Variants in FAT2 observed in about 807,000 individuals in gnomAD.
FAT2 encodes the protein FAT atypical cadherin 2.
Under a neutral mutation model 295.3 loss-of-function variants are expected in FAT2, and 150 were observed. That is an observed-to-expected ratio of 0.51 (90% CI 0.44 to 0.58). FAT2 has a LOEUF of 0.58. Ranked by LOEUF, FAT2 falls within the 20% of genes least tolerant of loss-of-function variation. The pLI is 0.00. For synonymous variants in FAT2, 2,026 were observed against 2,150.3 expected (o/e 0.94, Z 1.60); for missense variants, 4,868 against 5,442.7 (o/e 0.89, Z 3.32).
chr5:151,549,356 C>T lies in FAT2; in HGVS notation c.4728G>A (p.Gln1576=), dbSNP rs1432521523. 1.9e-6 allele frequency: 3 copies of T among 1,613,912 alleles called. No individual in the cohort carries two copies. The highest frequency in any genetic ancestry group is 1.3e-5 in the African/African-American group (1 of 74,930). Residue 1576 remains glutamine, a synonymous_variant, in exon 9 of 24, where the codon CAG becomes CAA. Coordinates refer to ENST00000261800, the MANE Select transcript of FAT2 (RefSeq NM_001447.3). ...CCCGGTCAGCATCCATGGCTCGGACCTGCAGCAGCTCTGTGCCGGGGGCTA... is the reference window on the plus strand; with the variant it reads ...CCCGGTCAGCATCCATGGCTCGGACTTGCAGCAGCTCTGTGCCGGGGGCTA... ...DTIAPGTELL[Q]VRAMDADRGV...
Position 151,521,964 on chromosome 5 carries a change from A to C in FAT2, c.10629T>G (p.Asp3543Glu), listed in dbSNP as rs770403427. The C allele has an allele frequency of 1.2e-6, 2 of 1,614,032 alleles. No homozygotes were observed. The highest frequency in any genetic ancestry group is 1.1e-5 in the South Asian group (1 of 91,080). ...TACCCACCATGCCACCCTGGAACTC[A>C]TCCTCTCCAACAGTGATGAAGATCT... Reference protein sequence around the residue: ...PLEIFITVGEDEFQGGMVGKI... With the variant: ...PLEIFITVGEEEFQGGMVGKI... Residue 3543 changes from aspartate (D) to glutamate (E), a missense_variant, in exon 19 of 24, where the codon GAT (aspartate) becomes GAG (glutamate). Transcript: ENST00000261800.
In FAT2 at chr5:151,512,457, C is replaced by T; in HGVS notation, c.11613G>A (p.Met3871Ile). Residue 3871 changes from methionine (M) to isoleucine (I), a missense_variant, in exon 21 of 24, where the codon ATG (methionine) becomes ATA (isoleucine). Met to Ile is a conservative substitution (Grantham distance 10, BLOSUM62 1). Transcript: ENST00000261800. This position sits in a 1 kb window ranked among gnomAD's most constrained non-coding sequence, Gnocchi z 4.1. ...CTGGGACCACAAGGGAGGTGTTGCC[C>T]ATGCTGTCAACCATCAGGCGAATGG... ...DASIRLMVDS[M>I]GNTSLVVPEN... 1 of 1,614,238 alleles carries T rather than the reference C, an allele frequency of 6.2e-7. No individual in the cohort carries two copies. Among genetic ancestry groups the T allele is most frequent in the Non-Finnish European group, 8.5e-7 (1 of 1,180,042 alleles).
rs756139494 is a variant in FAT2 at position 151,546,005 on chromosome 5, A to G, written c.5122T>C (p.Tyr1708His). Residue 1708 changes from tyrosine (Y) to histidine (H), a missense_variant, in exon 10 of 24, where the codon TAT (tyrosine) becomes CAT (histidine). Physicochemically the swap from Tyr to His is moderately conservative, Grantham distance 83 (BLOSUM62 2). Around this residue, in one of 5 missense-constraint regions of FAT2, gnomAD observed 3,297 missense variants for 3,669.4 expected, o/e 0.90. Transcript: ENST00000261800. The stretch of plus-strand genomic sequence containing the variant: ...TTCTGGGTGGAAATAAGGCCAGAAT[A>G]TGAGTTCATAGAGAAGACTCCATCC... ...NKDGVFSMNS[Y>H]SGLISTQKKL... The G allele has an allele frequency of 6.8e-6, 11 of 1,614,198 alleles. No homozygotes were observed. The highest frequency in any genetic ancestry group is 9.3e-6 in the Non-Finnish European group (11 of 1,180,032).
At chr5:151,555,896 T>C (rs1431952302) in intron 4 of FAT2, among the ~76,000 whole-genome samples, 3 of 152,164 alleles carry the variant, frequency 2.0e-5, no homozygotes, top group African/African-American at 7.2e-5. Flanking sequence ...AAGCCTTTCA[T>C]TGAAACAGGC....
At chr5:151,537,658 G>A in intron 12 of FAT2, 135 bp downstream of exon 12, 1 of 816,096 alleles carries the variant, frequency 1.2e-6, no homozygotes, top group Non-Finnish European at 1.9e-6. Flanking sequence ...ACAATGCTTG[G>A]CACATAGGGC....
rs375761751 is a variant in FAT2, at chr5:151,544,676, G to T, written c.6451C>A (p.Pro2151Thr). The T allele has an allele frequency of 6.2e-7, 1 of 1,614,060 alleles. No individual in the cohort carries two copies. Among genetic ancestry groups the T allele is most frequent in the South Asian group, 1.1e-5 (1 of 91,080 alleles). ...ACCTCTTCCTCACTCTGGAGGGATG[G>T]CGTTCCTCCATCCCGAGCAATGACT... Reference protein sequence around the residue: ...LKVIARDGGTPSLQSEEEVLV... With the variant: ...LKVIARDGGTTSLQSEEEVLV... Residue 2151 changes from proline (P) to threonine (T), a missense_variant, in exon 10 of 24, where the codon CCA becomes ACA. Around this residue, in one of 5 missense-constraint regions of FAT2, gnomAD observed 3,297 missense variants for 3,669.4 expected, o/e 0.90. Transcript: ENST00000261800.
At chr5:151,510,215 A>C (rs770154354) in intron 21 of FAT2, 41 bp from the exon 22 acceptor site, 1 of 1,607,726 alleles carries the variant, frequency 6.2e-7, no homozygotes, top group Non-Finnish European at 8.5e-7. Flanking sequence ...GCACTGGCCT[A>C]GCAGTTAAAG....
intron 1 of FAT2, among the ~76,000 whole-genome samples, chr5:151,572,350 T>G (rs1758566869): frequency 6.6e-6 from 1 of 152,184 alleles, no homozygotes; most frequent in African/African-American, 2.4e-5. Flanking sequence ...GAGCCTTTCA[T>G]GATCATTCCT....
rs1215797231 is a variant in FAT2, at chr5:151,521,360, G to A, written c.11233C>T (p.Pro3745Ser). 1 of 1,614,198 alleles carries A rather than the reference G, an allele frequency of 6.2e-7. No individual in the cohort carries two copies. The highest frequency in any genetic ancestry group is 1.1e-5 in the South Asian group (1 of 91,082). Residue 3745 changes from proline to serine, a missense_variant, in exon 19 of 24, where the codon CCC becomes TCC. Transcript: ENST00000261800. ...QICHNTVHLD[P>S]KVGPTYSTAR... ...GTGCTGTACGTGGGCCCAACCTTGG[G>A]GTCCAGATGCACTGTGTTATGGCAG...
At chr5:151,511,112 C>G (rs1053460576) in intron 21 of FAT2, 1 of 152,598 alleles carries the variant, frequency 6.6e-6, no homozygotes, top group Non-Finnish European at 1.5e-5. Flanking sequence ...AGGGAGGAGG[C>G]TGGTGCCAGG....
chr5:151,515,241 T>A (rs957494776), intron 20 of FAT2, among the ~76,000 whole-genome samples: 1 of 152,206 alleles, frequency 6.6e-6, no homozygotes, highest in Admixed American at 6.5e-5. Flanking sequence ...TGGGTTTTCC[T>A]CCAGCATCAC....
At chr5:151,556,227 T>C in intron 4 of FAT2, 117 bp downstream of exon 4, 1 of 811,854 alleles carries the variant, frequency 1.2e-6, no homozygotes, top group South Asian at 1.4e-5. Flanking sequence ...TCAGCTCACG[T>C]ATATCTTCCT....
chr5:151,537,441 AGGG>A (rs1561842461), intron 12 of FAT2, among the ~76,000 whole-genome samples: 98 of 22,228 alleles, frequency 4.4e-3, no homozygotes, highest in African/African-American at 0.039. Flanking sequence ...AGGAAAGGAG[AGGG>A]GAGGGGAGGG....
At position 151,551,483 on chromosome 5, in the gene FAT2, C is replaced by A. The variant is rs573511043; in HGVS notation, c.4280G>T (p.Arg1427Leu). The A allele has an allele frequency of 1.2e-6, 2 of 1,613,980 alleles. No homozygotes were observed. Among genetic ancestry groups the A allele is most frequent in the Non-Finnish European group, 1.7e-6 (2 of 1,180,016 alleles). Residue 1427 changes from arginine (R) to leucine (L), a missense_variant, in exon 7 of 24, where the codon CGC becomes CTC. Coordinates refer to ENST00000261800, the MANE Select transcript of FAT2 (RefSeq NM_001447.3). ...NLTVEVTDGS[R>L]TIATQVHIFM... ...GCCTCTAACCTGTGTGGCAATGGTG[C>A]GGGACCCATCTGTCACCTCAACAGT...
At position 151,524,010 on chromosome 5, in the gene FAT2, C is replaced by T. The variant is rs112715451; in HGVS notation, c.10506+1758G>A. ...TATCAATTTACATACAAAATATGTCCGAAATCTCTCCGCTTCCTGCATCTT... is the reference window on the plus strand; with the variant it reads ...TATCAATTTACATACAAAATATGTCTGAAATCTCTCCGCTTCCTGCATCTT... On this transcript the variant is annotated intron_variant, in intron 18 of 23. Coordinates refer to ENST00000261800, the MANE Select transcript of FAT2 (RefSeq NM_001447.3). 5.3e-5 allele frequency among the ~76,000 whole-genome samples: 8 copies of T among 152,198 alleles called. 2 individuals carry two copies. The highest frequency in any genetic ancestry group is 1.2e-4 in the African/African-American group (5 of 41,534).
rs911445911 is a variant in FAT2, at chr5:151,562,599, C to T, written c.3574+726G>A. ...TCCGGGCCACTGTGGCCCAGCGGGA[C>T]TGTGAAGACAATGTGGCCAGATCCT... is the stretch of plus-strand genomic sequence containing the variant. On this transcript the variant is annotated intron_variant, in intron 3 of 23. Coordinates refer to ENST00000261800, the MANE Select transcript of FAT2 (RefSeq NM_001447.3). Among the ~76,000 whole-genome samples, 6 of 152,186 alleles carry T rather than the reference C, an allele frequency of 3.9e-5. No homozygotes were observed. In the South Asian group the frequency reaches 1.0e-3, roughly 26 times the overall value.
In FAT2 at chr5:151,542,921, T is replaced by C. The variant is rs570674049; in HGVS notation, c.8206A>G (p.Lys2736Glu). The stretch of plus-strand genomic sequence containing the variant: ...GGGTCTAGGGAGAAGACACCATCCT[T>C]GTTGCTCTCAGGTGTAGTGCCCCGC... ...LVRGTTPESN[K>E]DGVFSLDPDT... is the part of the protein sequence containing the mutation. The change falls in exon 10 of 24, where the codon AAG (lysine) becomes GAG (glutamate). Residue 2736 changes from lysine to glutamate, a missense_variant. Around this residue, in one of 5 missense-constraint regions of FAT2, gnomAD observed 3,297 missense variants for 3,669.4 expected, o/e 0.90. Coordinates refer to ENST00000261800, the MANE Select transcript of FAT2 (RefSeq NM_001447.3). 386 of 1,614,224 alleles carry C rather than the reference T, an allele frequency of 2.4e-4. 4 individuals carry two copies. In the South Asian group the frequency reaches 4.0e-3, roughly 17 times the overall value.
At chr5:151,569,012 G>T (rs562945384) in intron 1 of FAT2, 61 bp from the exon 2 acceptor site, 4 of 1,444,758 alleles carry the variant, frequency 2.8e-6, no homozygotes, top group Non-Finnish European at 3.7e-6. Context: ...CTACTGCTGT[G>T]ATTCTTAACT....
At chr5:151,584,588 C>T (rs1759098299) in intron 1 of FAT2, among the ~76,000 whole-genome samples, 1 of 152,218 alleles carries the variant, frequency 6.6e-6, no homozygotes, top group Non-Finnish European at 1.5e-5. Context: ...CGGTCTCTGC[C>T]CAGTATAATA....
Sources: allele counts gnomAD v4.1 joint callset (sites outside exome capture counted in the v4.1 genomes callset), GRCh38; gene constraint gnomAD v4.1.1; regional missense constraint gnomAD v4.1.1; non-coding constraint Gnocchi (gnomAD v3.1); transcripts MANE v1.5; gene names NCBI Gene and HGNC (gene_info 2026-07-23, HGNC 2026-07-21).